KCNH1: variants seen among roughly 807,000 people sequenced by gnomAD.
KCNH1 encodes the protein potassium voltage-gated channel subfamily H member 1, also known as voltage-gated delayed rectifier potassium channel KCNH1.
A neutral mutation model predicts 69.2 loss-of-function variants in KCNH1; 27 were observed. The observed-to-expected ratio is 0.39, with a 90% CI of 0.29 to 0.54. The LOEUF (loss-of-function observed/expected upper bound fraction) is 0.54, where lower values mean the gene tolerates loss of function less well. Among genes scored for constraint, KCNH1 ranks in the 20% least tolerant of loss-of-function variants. The probability of loss-of-function intolerance (pLI) is 0.68; values close to 1 mark genes in which losing one functional copy is unlikely to be tolerated. For synonymous variants in KCNH1, 456 were observed against 487.7 expected, an observed-to-expected ratio of 0.93 and a Z score of 0.86; for missense variants, 798 against 1,261.6, an observed-to-expected ratio of 0.63 and a Z score of 5.57.
chr1:210,914,445 C>A (rs781128176), intron 7 of KCNH1, among the ~76,000 whole-genome samples: 2 of 151,878 alleles, frequency 1.3e-5, no homozygotes, highest in African/African-American at 4.8e-5. Context: ...ATGAAGGAGG[C>A]GGGGAAAAGC....
intron 1 of KCNH1, among the ~76,000 whole-genome samples, chr1:211,118,716 C>T (rs1225896717): frequency 6.6e-6 from 1 of 152,342 alleles, no homozygotes; most frequent in East Asian, 1.9e-4. Context: ...GTGTCAAAAT[C>T]ATTCCAAGTC....
At chr1:211,074,587 A>G (rs2102460464) in intron 5 of KCNH1, among the ~76,000 whole-genome samples, 1 of 152,322 alleles carries the variant, frequency 6.6e-6, no homozygotes, top group South Asian at 2.1e-4. Context: ...AGTTGACAAG[A>G]GGTGAACTGT....
intron 7 of KCNH1, among the ~76,000 whole-genome samples, chr1:210,819,834 AT>A (rs1339434188): frequency 6.6e-6 from 1 of 152,166 alleles, no homozygotes; most frequent in Non-Finnish European, 1.5e-5. Context: ...AAAAATAATC[AT>A]CCTAGTCTAG....
At chr1:210,691,840 A>G (rs997432991) in intron 10 of KCNH1, among the ~76,000 whole-genome samples, 1 of 152,226 alleles carries the variant, frequency 6.6e-6, no homozygotes, top group Non-Finnish European at 1.5e-5. Flanking sequence ...AAGGTAAAAA[A>G]GAGGGCTAGC....
intron 5 of KCNH1, among the ~76,000 whole-genome samples, chr1:211,077,346 G>A (rs192150177): frequency 6.6e-6 from 1 of 152,040 alleles, no homozygotes; most frequent in Non-Finnish European, 1.5e-5. Context: ...AATGTTAAGG[G>A]CAGCCAGGTA....
At chr1:210,991,603 C>CCA (rs67518284) in intron 6 of KCNH1, among the ~76,000 whole-genome samples, 6,289 of 148,374 alleles carry the variant, frequency 0.042, 167 homozygotes, top group Non-Finnish European at 0.055. Context: ...TCTGTTCTTG[C>CCA]CACACACACA....
chr1:210,975,274 A>C (rs1014422456), intron 6 of KCNH1, among the ~76,000 whole-genome samples: 20 of 152,176 alleles, frequency 1.3e-4, no homozygotes, highest in Admixed American at 3.3e-4. Flanking sequence ...TTTTCAAAAA[A>C]CCAGCTCCTG....
intron 7 of KCNH1, among the ~76,000 whole-genome samples, chr1:210,863,669 C>G (rs1181448526): frequency 6.6e-6 from 1 of 152,206 alleles, no homozygotes; most frequent in Non-Finnish European, 1.5e-5. Flanking sequence ...CTCAACCCTC[C>G]TCTTCACAGC....
chr1:210,839,731 T>C (rs1190854138), intron 7 of KCNH1, among the ~76,000 whole-genome samples: 1 of 152,228 alleles, frequency 6.6e-6, no homozygotes. Context: ...AATGTGACTC[T>C]AGTTTTTAAA....
intron 5 of KCNH1, among the ~76,000 whole-genome samples, chr1:211,054,580 TAAGG>T (rs2102443741): frequency 6.6e-6 from 1 of 152,040 alleles, no homozygotes; most frequent in African/African-American, 2.4e-5. Flanking sequence ...TAACGGCCAA[TAAGG>T]AAGTTAAAAA....
intron 6 of KCNH1, among the ~76,000 whole-genome samples, chr1:210,969,295 T>C (rs1688469146): frequency 6.6e-6 from 1 of 152,080 alleles, no homozygotes; most frequent in African/African-American, 2.4e-5. Context: ...GAATTGAGAA[T>C]ATTCCTTCTT....
intron 6 of KCNH1, among the ~76,000 whole-genome samples, chr1:210,987,133 A>C (rs1229959363): frequency 1.3e-5 from 2 of 152,192 alleles, no homozygotes; most frequent in Non-Finnish European, 2.9e-5. Context: ...TTTCAGCTCC[A>C]TCAGGTCCTT....
chr1:211,061,228 A>G (rs1437789680), intron 5 of KCNH1, among the ~76,000 whole-genome samples: 2 of 152,186 alleles, frequency 1.3e-5, no homozygotes, highest in East Asian at 3.8e-4. Flanking sequence ...TTCAACTGAC[A>G]CCTTAAAAAC....
chr1:211,121,589 C>G (rs1691685431), intron 1 of KCNH1, among the ~76,000 whole-genome samples: 1 of 152,136 alleles, frequency 6.6e-6, no homozygotes, highest in South Asian at 2.1e-4. Flanking sequence ...TAGAAGAAAA[C>G]CTAGGCAATA....
chr1:211,070,916 G>A (rs1690630985), intron 5 of KCNH1, among the ~76,000 whole-genome samples: 1 of 151,968 alleles, frequency 6.6e-6, no homozygotes, highest in Non-Finnish European at 1.5e-5. Flanking sequence ...AGGAGTTAGG[G>A]ACACCGATGC....
intron 6 of KCNH1, among the ~76,000 whole-genome samples, chr1:210,999,365 A>G (rs1689122517): frequency 6.6e-6 from 1 of 152,212 alleles, no homozygotes; most frequent in African/African-American, 2.4e-5. Flanking sequence ...ACAAACTACC[A>G]TCAGAGAATA....
At chr1:210,817,661 A>T (rs2102422104) in intron 7 of KCNH1, among the ~76,000 whole-genome samples, 1 of 152,186 alleles carries the variant, frequency 6.6e-6, no homozygotes, top group East Asian at 1.9e-4. Context: ...ACGTATACTG[A>T]CTCATTTAAA....
At chr1:211,068,993 C>T (rs765944985) in intron 5 of KCNH1, among the ~76,000 whole-genome samples, 11 of 152,172 alleles carry the variant, frequency 7.2e-5, no homozygotes, top group Non-Finnish European at 1.3e-4. Context: ...ACAGTGAAGA[C>T]GGAAGAAAAA....
intron 1 of KCNH1, among the ~76,000 whole-genome samples, chr1:211,110,103 G>A (rs1691431208): frequency 6.6e-6 from 1 of 150,906 alleles, no homozygotes; most frequent in Non-Finnish European, 1.5e-5. Flanking sequence ...AGAACAACAT[G>A]AGAAAAGGCC....
Sources: gnomAD v4.1 joint callset for allele counts (sites outside exome capture counted in the v4.1 genomes callset) on GRCh38, gnomAD v4.1.1 for gene constraint, MANE v1.5 for transcripts, NCBI Gene and HGNC (gene_info 2026-07-23, HGNC 2026-07-21) for gene names.